Variants in DCHS2 observed in about 807,000 individuals in gnomAD.
DCHS2 encodes dachsous cadherin-related 2, also known as protocadherin-23.
A neutral mutation model predicts 182.4 loss-of-function variants in DCHS2; 142 were observed. That is an observed-to-expected ratio of 0.78 (90% confidence interval 0.68 to 0.89). The LOEUF (loss-of-function observed/expected upper bound fraction) is 0.89, where lower values mean the gene tolerates loss of function less well. DCHS2 is among the 40% of genes least tolerant of loss of function. The probability of loss-of-function intolerance (pLI) is 0.00; values close to 1 mark genes in which losing one functional copy is unlikely to be tolerated. For missense variants in DCHS2, 4,319 were observed against 4,198.6 expected, an observed-to-expected ratio of 1.03 and a Z score of -0.79; for synonymous variants, 1,740 against 1,663.3, an observed-to-expected ratio of 1.05 and a Z score of -1.12.
At chr4:154,296,591 T>C (rs1734936122) in intron 13 of DCHS2, among the ~76,000 whole-genome samples, 1 of 152,242 alleles carries the variant, frequency 6.6e-6, no homozygotes, top group Non-Finnish European at 1.5e-5. Context: ...GAATGCAATG[T>C]TAATCAAAAG....
intron 1 of DCHS2, among the ~76,000 whole-genome samples, chr4:154,447,459 C>A (rs1046251196): frequency 1.3e-5 from 2 of 152,062 alleles, no homozygotes; most frequent in Admixed American, 6.6e-5. Context: ...TTATTCCTCC[C>A]AACTATATGC....
intron 5 of DCHS2, chr4:154,331,798 C>T (rs2111360512): frequency 1.4e-6 from 2 of 1,443,266 alleles, no homozygotes; most frequent in South Asian, 1.5e-5. Flanking sequence ...TTCAGTTTTC[C>T]CGGGTATGTA....
chr4:154,270,758 T>C (rs552239698), intron 13 of DCHS2, among the ~76,000 whole-genome samples: 1 of 151,116 alleles, frequency 6.6e-6, no homozygotes, highest in African/African-American at 2.4e-5. Context: ...TGGAGAGACA[T>C]GGACAGATTA....
At chr4:154,418,137 A>AT (rs775243499) in intron 1 of DCHS2, among the ~76,000 whole-genome samples, 31 of 152,358 alleles carry the variant, frequency 2.0e-4, no homozygotes, top group Non-Finnish European at 3.2e-4. Context: ...TAATACAATA[A>AT]TTTTAAATGC....
chr4:154,322,612 C>T, intron 7 of DCHS2, 124 bp from the exon 8 acceptor site: 1 of 1,239,040 alleles, frequency 8.1e-7, no homozygotes, highest in Non-Finnish European at 1.1e-6. Context: ...AGAGTATGAA[C>T]ACAAAAATGA....
At position 154,489,546 on chromosome 4, in the gene DCHS2, G is replaced by A. The variant is rs1413390417; in HGVS notation, c.1810C>T (p.Pro604Ser). Residue 604 changes from proline to serine, a missense_variant, in exon 1 of 20, where the codon CCA (proline) becomes TCA (serine). By Grantham distance (74) the Pro-to-Ser change is moderately conservative (BLOSUM62 -1). Coordinates refer to ENST00000357232, the MANE Select transcript of DCHS2 (RefSeq NM_001358235.2). ...CTTTCGGAATCAATGGCAAAAGATG[G>A]TCCACACTCTGCGGTGTGGACCATC... ...SKMVHTAECG[P>S]SFAIDSESGA... 7.7e-6 allele frequency: 12 copies of A among 1,551,646 alleles called. No individual in the cohort carries two copies. In the East Asian group the frequency reaches 1.5e-4, roughly 19 times the overall value.
intron 13 of DCHS2, among the ~76,000 whole-genome samples, chr4:154,285,979 GGT>G (rs1316648590): frequency 1.3e-5 from 2 of 152,066 alleles, no homozygotes; most frequent in Non-Finnish European, 2.9e-5. Flanking sequence ...TGGTCACAGG[GGT>G]TCTTGGGTCA....
chr4:154,398,259 G>C (rs140059206), intron 1 of DCHS2, among the ~76,000 whole-genome samples: 14 of 152,182 alleles, frequency 9.2e-5, no homozygotes, highest in African/African-American at 3.4e-4. Context: ...CCTTATAGGG[G>C]TAGAAAAGAG....
chr4:154,269,472 A>T (rs1733466108), intron 14 of DCHS2: 1 of 166,504 alleles, frequency 6.0e-6, no homozygotes, highest in African/African-American at 2.4e-5. Context: ...AGAAACCTTC[A>T]CAGCTGTTCT....
At chr4:154,430,870 T>C (rs1358378890) in intron 1 of DCHS2, among the ~76,000 whole-genome samples, 4 of 152,164 alleles carry the variant, frequency 2.6e-5, no homozygotes, top group Admixed American at 2.0e-4. Context: ...CTGAAATAAA[T>C]CAAGTGTCCA....
intron 1 of DCHS2, among the ~76,000 whole-genome samples, chr4:154,456,385 C>G (rs1355137585): frequency 6.6e-6 from 1 of 152,190 alleles, no homozygotes; most frequent in Admixed American, 6.5e-5. Flanking sequence ...CCTTTAGACT[C>G]AGTCCCTGTC....
chr4:154,342,898 C>T (rs1729175090), intron 3 of DCHS2, among the ~76,000 whole-genome samples: 1 of 152,188 alleles, frequency 6.6e-6, no homozygotes, highest in Admixed American at 6.5e-5. Flanking sequence ...TCAGAGGACT[C>T]ACTATCTATG....
At chr4:154,432,310 T>C (rs1322971150) in intron 1 of DCHS2, among the ~76,000 whole-genome samples, 2 of 152,240 alleles carry the variant, frequency 1.3e-5, no homozygotes, top group African/African-American at 4.8e-5. Flanking sequence ...TCTCAGCTTA[T>C]CTACAACTAT....
chr4:154,337,210 T>A (rs1394582346), intron 3 of DCHS2, among the ~76,000 whole-genome samples: 1 of 152,140 alleles, frequency 6.6e-6, no homozygotes, highest in Non-Finnish European at 1.5e-5. Flanking sequence ...TATACACAAA[T>A]GTGTACAGAA....
chr4:154,366,598 C>A (rs1348654351), intron 2 of DCHS2, among the ~76,000 whole-genome samples, 157 bp from the exon 3 acceptor site: 4 of 151,812 alleles, frequency 2.6e-5, no homozygotes, highest in Non-Finnish European at 4.4e-5. Context: ...ACACACACCC[C>A]CATACATACA....
chr4:154,365,752 G>T (rs1579011137), intron 3 of DCHS2, among the ~76,000 whole-genome samples: 1 of 151,828 alleles, frequency 6.6e-6, no homozygotes, highest in South Asian at 2.1e-4. Flanking sequence ...CAGGTACAAG[G>T]AATTCTCTGC....
At chr4:154,417,816 T>G (rs1001698742) in intron 1 of DCHS2, among the ~76,000 whole-genome samples, 59 of 152,212 alleles carry the variant, frequency 3.9e-4, no homozygotes, top group Non-Finnish European at 1.3e-4. Context: ...AACTAGGCTT[T>G]CAATTCTCTT....
At chr4:154,452,584 G>A (rs922911802) in intron 1 of DCHS2, among the ~76,000 whole-genome samples, 1 of 151,936 alleles carries the variant, frequency 6.6e-6, no homozygotes, top group Admixed American at 6.6e-5. Flanking sequence ...AGACTGTGCT[G>A]CTGCACTCCA....
Position 154,268,628 on chromosome 4 carries a change from G to A in DCHS2, c.6577+1272C>T, listed in dbSNP as rs533393767. Among the ~76,000 whole-genome samples the A allele has an allele frequency of 3.3e-5, 5 of 152,264 alleles. No individual in the cohort carries two copies. The South Asian group carries it at 1.0e-3, about 32-fold the overall frequency. ...AAAAAGAAACTAAGGATAAGGGTGG[G>A]CTACCTTAATGTCTATTTCCAGAGA... On this transcript the variant is annotated intron_variant, in intron 14 of 19. Transcript: ENST00000357232.
Sources: allele counts gnomAD v4.1 joint callset (sites outside exome capture counted in the v4.1 genomes callset), GRCh38; gene constraint gnomAD v4.1.1; transcripts MANE v1.5; gene names NCBI Gene and HGNC (gene_info 2026-07-23, HGNC 2026-07-21).